The following GEMIN7 variants were observed in gnomAD, a reference collection of about 807,000 sequenced individuals.
The protein encoded by GEMIN7 is gem nuclear organelle associated protein 7.
Under a neutral mutation model 7.8 loss-of-function variants are expected in GEMIN7, and 7 were observed. The ratio of observed to expected loss-of-function variants is 0.90; its 90% CI spans 0.51 to 1.69. The LOEUF (loss-of-function observed/expected upper bound fraction) is 1.69, where lower values mean the gene tolerates loss of function less well. Among genes scored for constraint, GEMIN7 ranks in the 40% most tolerant of loss-of-function variants. GEMIN7 has a pLI of 0.00. For synonymous variants in GEMIN7, 68 were observed against 72.4 expected (o/e 0.94, Z 0.31); for missense variants, 159 against 176.2 (o/e 0.90, Z 0.55).
chr19:45,090,064 C>T, intron 2 of GEMIN7, 43 bp from the exon 3 acceptor site: 1 of 1,564,418 alleles, frequency 6.4e-7, no homozygotes, highest in Non-Finnish European at 8.7e-7. Context: ...TAGCCCCATG[C>T]TTACCATGTA....
intron 2 of GEMIN7, among the ~76,000 whole-genome samples, chr19:45,084,960 G>A (rs7247383): frequency 0.56 from 84,958 of 152,022 alleles, 24,528 homozygotes; most frequent in African/African-American, 0.68. Flanking sequence ...TTTAGTAGAG[G>A]CAGGGTCTCT....
chr19:45,076,441 G>T (rs528279805), upstream of GEMIN7: 10 of 1,144,208 alleles, frequency 8.7e-6, no homozygotes, highest in East Asian at 3.4e-5. This position sits in a 1 kb window ranked among gnomAD's most constrained non-coding sequence, Gnocchi z 4.9. Context: ...ACGCACGAGC[G>T]GAGGACGCGC....
rs750205132 is a variant in GEMIN7 at position 45,090,358 on chromosome 19, T to G, written c.244T>G (p.Leu82Val). ...GGTGGGTCATCAGGTGAGCTTCACG[T>G]TGCACGAGGGTGTGCGTGTGGCCGC... ...AMVGHQVSFTLHEGVRVAAHF... is the reference protein window; with the variant it reads ...AMVGHQVSFTVHEGVRVAAHF... The change falls in exon 3 of 3, where the codon TTG becomes GTG. Residue 82 changes from leucine (L) to valine (V), a missense_variant. Coordinates refer to ENST00000270257, the MANE Select transcript of GEMIN7 (RefSeq NM_024707.3). 1.9e-6 allele frequency: 3 copies of G among 1,614,074 alleles called. No individual in the cohort carries two copies. Among genetic ancestry groups the G allele is most frequent in the Non-Finnish European group, 2.5e-6 (3 of 1,180,046 alleles).
intron 2 of GEMIN7, among the ~76,000 whole-genome samples, chr19:45,089,262 C>T (rs1316980794): frequency 6.6e-6 from 1 of 152,072 alleles, no homozygotes; most frequent in African/African-American, 2.4e-5. Flanking sequence ...ATTTTTGCAT[C>T]TATTCCTTTT....
At chr19:45,079,809 G>GT (rs1321262480) in intron 1 of GEMIN7, 98 bp from the exon 2 acceptor site, 1 of 152,244 alleles carries the variant, frequency 6.6e-6, no homozygotes, top group Non-Finnish European at 1.5e-5. Flanking sequence ...CTCTCGGGTG[G>GT]CCCCATTTAG....
upstream of GEMIN7, chr19:45,076,150 G>C (rs776478851): frequency 2.6e-6 from 4 of 1,547,470 alleles, no homozygotes; most frequent in Non-Finnish European, 3.5e-6. The surrounding 1 kb of genome is among the most constrained non-coding windows in gnomAD (Gnocchi z 4.9). Flanking sequence ...GGCGGCCCCG[G>C]CGGGCATGGG....
chr19:45,081,465 A>C (rs1967500849), intron 2 of GEMIN7, among the ~76,000 whole-genome samples: 1 of 151,978 alleles, frequency 6.6e-6, no homozygotes, highest in Non-Finnish European at 1.5e-5. Context: ...TTAAAAAAAA[A>C]AAAAAAATTA....
At chr19:45,089,959 G>A (rs777782402) in intron 2 of GEMIN7, 148 bp from the exon 3 acceptor site, 146 of 777,808 alleles carry the variant, frequency 1.9e-4, no homozygotes, top group Non-Finnish European at 2.8e-4. Context: ...ATTGGGGGAC[G>A]ATGGCACAGA....
rs562330592 is a variant in GEMIN7 at position 45,090,516 on chromosome 19, T to C, written c.*6T>C. The C allele has an allele frequency of 3.5e-5, 56 of 1,598,136 alleles. No individual in the cohort carries two copies. The highest frequency in any genetic ancestry group is 1.4e-4 in the South Asian group (13 of 90,440). On this transcript the variant is annotated 3_prime_UTR_variant, in exon 3 of 3. Transcript: ENST00000270257. ...CATATACCTTCAAGCCATAAAGATA[T>C]TGTGTTCACTTTTCTGCTTGAGGCT...
At chr19:45,076,389 C>T (rs374842737), upstream of GEMIN7, 4 of 1,266,876 alleles carry the variant, frequency 3.2e-6, no homozygotes, top group Non-Finnish European at 4.0e-6. The surrounding 1 kb of genome is among the most constrained non-coding windows in gnomAD (Gnocchi z 4.9). Context: ...GCGGGCCGGG[C>T]GAGCGAGCGG....
At chr19:45,078,009 T>C (rs941758175), upstream of GEMIN7, among the ~76,000 whole-genome samples, 3 of 151,662 alleles carry the variant, frequency 2.0e-5, no homozygotes, top group African/African-American at 7.3e-5. Context: ...AGATTACAGG[T>C]GTGAGACACT....
At chr19:45,087,730 G>A (rs2060250) in intron 2 of GEMIN7, among the ~76,000 whole-genome samples, 84,789 of 151,566 alleles carry the variant, frequency 0.56, 24,553 homozygotes, top group African/African-American at 0.68. Flanking sequence ...TCCGAGCAGA[G>A]GAGGGATATG....
chr19:45,076,051 TGGGCCCA>T, upstream of GEMIN7: 1 of 1,575,754 alleles, frequency 6.3e-7, no homozygotes, highest in Non-Finnish European at 8.6e-7. The surrounding 1 kb of genome is among the most constrained non-coding windows in gnomAD (Gnocchi z 4.9). Context: ...TAAGGGAGGC[TGGGCCCA>T]GGGCCCGGGG....
upstream of GEMIN7, chr19:45,076,971 AT>A (rs2070554963): frequency 6.6e-6 from 1 of 152,222 alleles, no homozygotes; most frequent in Non-Finnish European, 1.5e-5. This position sits in a 1 kb window ranked among gnomAD's most constrained non-coding sequence, Gnocchi z 4.9. Context: ...TACGTAAAAT[AT>A]AGATGGCCCT....
At chr19:45,082,653 C>A (rs1967541141) in intron 2 of GEMIN7, among the ~76,000 whole-genome samples, 1 of 151,980 alleles carries the variant, frequency 6.6e-6, no homozygotes, top group Non-Finnish European at 1.5e-5. Context: ...GTCTCATACT[C>A]TGTCACCCAG....
upstream of GEMIN7, chr19:45,079,223 G>C (rs1029789234): frequency 6.6e-6 from 1 of 152,394 alleles, no homozygotes; most frequent in Admixed American, 6.5e-5. Context: ...CGGCCTGCCC[G>C]GGCCTCTGCA....
chr19:45,086,698 C>G (rs1967699748), intron 2 of GEMIN7, among the ~76,000 whole-genome samples: 1 of 152,174 alleles, frequency 6.6e-6, no homozygotes, highest in African/African-American at 2.4e-5. Flanking sequence ...ATGTGCCAGG[C>G]CCTGTCTGGC....
upstream of GEMIN7, chr19:45,076,121 G>T (rs762968547): frequency 2.5e-6 from 4 of 1,568,702 alleles, no homozygotes; most frequent in Non-Finnish European, 3.4e-6. This position sits in a 1 kb window ranked among gnomAD's most constrained non-coding sequence, Gnocchi z 4.9. Flanking sequence ...CACGGGTTCC[G>T]CGGGCCGAGG....
intron 2 of GEMIN7, among the ~76,000 whole-genome samples, chr19:45,086,870 T>C (rs893973895): frequency 6.6e-6 from 1 of 152,142 alleles, no homozygotes; most frequent in African/African-American, 2.4e-5. Flanking sequence ...TTTTTCGAGA[T>C]GAGTCTTGCT....
Sources: gnomAD v4.1 joint callset for allele counts (sites outside exome capture counted in the v4.1 genomes callset) on GRCh38, gnomAD v4.1.1 for gene constraint, Gnocchi (gnomAD v3.1) non-coding constraint, MANE v1.5 for transcripts, NCBI Gene and HGNC (gene_info 2026-07-23, HGNC 2026-07-21) for gene names.